GPHN: variants seen among roughly 807,000 people sequenced by gnomAD.
GPHN encodes gephyrin.
A neutral mutation model predicts 95.5 loss-of-function variants in GPHN; 17 were observed. The ratio of observed to expected loss-of-function variants is 0.18; its 90% CI spans 0.12 to 0.27. The LOEUF (loss-of-function observed/expected upper bound fraction) is 0.27. GPHN is among the 10% of genes least tolerant of loss of function. The pLI, the probability that GPHN is intolerant of heterozygous loss-of-function variation, is 1.00. For synonymous variants in GPHN, 320 were observed against 322.5 expected, an observed-to-expected ratio of 0.99 and a Z score of 0.08; for missense variants, 660 against 978.1, an observed-to-expected ratio of 0.67 and a Z score of 4.34.
chr14:67,046,940 A>G (rs2075048216), intron 10 of GPHN, among the ~76,000 whole-genome samples: 1 of 152,148 alleles, frequency 6.6e-6, no homozygotes, highest in African/African-American at 2.4e-5. Flanking sequence ...GACCCTAACT[A>G]TTTAAGCTGA....
At chr14:66,509,844 G>A (rs1368755778) in intron 1 of GPHN, among the ~76,000 whole-genome samples, 1 of 151,918 alleles carries the variant, frequency 6.6e-6, no homozygotes, top group East Asian at 1.9e-4. Context: ...TTTATTATTA[G>A]GTAGAAAAAA....
chr14:67,328,246 T>G, the GPHN span, among the ~76,000 whole-genome samples: 1 of 152,236 alleles, frequency 6.6e-6, no homozygotes, highest in Non-Finnish European at 1.5e-5. Flanking sequence ...TGATGAGCAT[T>G]TTTTCATGTG....
chr14:66,939,536 G>T (rs1002790677), intron 8 of GPHN, among the ~76,000 whole-genome samples: 1 of 152,058 alleles, frequency 6.6e-6, no homozygotes, highest in Non-Finnish European at 1.5e-5. Flanking sequence ...CTGCCTCACA[G>T]ATTTAATTGC....
the GPHN span, among the ~76,000 whole-genome samples, chr14:67,214,601 G>A: frequency 7.2e-5 from 11 of 151,980 alleles, no homozygotes; most frequent in Non-Finnish European, 1.6e-4. Context: ...AGGTAGCGTG[G>A]TGCCTCCAGC....
At chr14:67,695,625 C>G in the GPHN span, 3 of 1,613,316 alleles carry the variant, frequency 1.9e-6, no homozygotes, top group Admixed American at 5.0e-5. Flanking sequence ...TACATTTGCA[C>G]AGACCTGATT....
At chr14:67,322,736 GA>G in the GPHN span, among the ~76,000 whole-genome samples, 5 of 150,152 alleles carry the variant, frequency 3.3e-5, no homozygotes, top group Admixed American at 1.3e-4. Flanking sequence ...TATTTCTCCA[GA>G]AAAAAGGGCT....
chr14:67,332,517 A>C, the GPHN span, among the ~76,000 whole-genome samples: 1 of 152,164 alleles, frequency 6.6e-6, no homozygotes, highest in Non-Finnish European at 1.5e-5. Flanking sequence ...TGTTGGTGAG[A>C]TAAGACAAAA....
the GPHN span, among the ~76,000 whole-genome samples, chr14:67,362,032 CTTT>C: frequency 1.1e-5 from 1 of 91,420 alleles, no homozygotes. Context: ...TTTCTTTTTT[CTTT>C]TTTTTTTTGA....
At chr14:66,851,114 TTTG>T (rs1233198120) in intron 4 of GPHN, among the ~76,000 whole-genome samples, 1 of 152,018 alleles carries the variant, frequency 6.6e-6, no homozygotes, top group Non-Finnish European at 1.5e-5. Flanking sequence ...TGGCACTGTT[TTTG>T]TTGTTGTTGT....
At chr14:67,365,127 C>G in the GPHN span, 2 of 1,084,134 alleles carry the variant, frequency 1.8e-6, no homozygotes, top group Non-Finnish European at 2.5e-6. Flanking sequence ...ATACTTAAAC[C>G]TTTTACATAC....
chr14:67,325,140 T>C, the GPHN span, among the ~76,000 whole-genome samples: 2 of 152,016 alleles, frequency 1.3e-5, no homozygotes, highest in Admixed American at 1.3e-4. Flanking sequence ...CTCCTGACCT[T>C]GTGATCCACC....
chr14:67,571,167 A>T, the GPHN span: 2 of 154,664 alleles, frequency 1.3e-5, no homozygotes, highest in East Asian at 3.8e-4. Flanking sequence ...CACTGTGCAC[A>T]TATATCTTTG....
At chr14:66,952,940 A>C (rs1337300411) in intron 8 of GPHN, among the ~76,000 whole-genome samples, 7 of 151,670 alleles carry the variant, frequency 4.6e-5, no homozygotes, top group Non-Finnish European at 1.5e-5. Flanking sequence ...ATGATCTTCC[A>C]GCCTCGGCCC....
chr14:66,869,682 G>C (rs1263773397), intron 4 of GPHN, among the ~76,000 whole-genome samples: 1 of 152,172 alleles, frequency 6.6e-6, no homozygotes, highest in Non-Finnish European at 1.5e-5. Flanking sequence ...ACTGATATGT[G>C]CAGAACTGCA....
chr14:67,144,250 AATATATATATATATATATAT>A (rs71129810), intron 18 of GPHN, among the ~76,000 whole-genome samples: 12 of 57,772 alleles, frequency 2.1e-4, no homozygotes, highest in Non-Finnish European at 3.4e-4. Flanking sequence ...AAAAAAAAAA[AATATATATATATATATATAT>A]ATATATATAT....
intron 12 of GPHN, among the ~76,000 whole-genome samples, chr14:67,097,366 G>A (rs1054535926): frequency 1.3e-5 from 2 of 152,164 alleles, no homozygotes; most frequent in African/African-American, 4.8e-5. Flanking sequence ...AGTTATCTTG[G>A]TATTCTCAGG....
rs531214449 is a variant in GPHN at position 66,690,433 on chromosome 14, G to A, written c.143+9248G>A. 6.6e-5 allele frequency among the ~76,000 whole-genome samples: 10 copies of A among 152,226 alleles called. No homozygotes were observed. The East Asian group carries it at 1.9e-3, about 29-fold the overall frequency. On this transcript the variant is annotated intron_variant, in intron 2 of 22. Coordinates refer to ENST00000478722, the MANE Select transcript of GPHN (RefSeq NM_020806.5). ...AATTCTTTTAGATTTGTTGAGCCTT[G>A]TTTTGTGACCTAATATGTGGTCTGT... is the stretch of plus-strand genomic sequence containing the variant.
the GPHN span, among the ~76,000 whole-genome samples, chr14:67,379,321 TCTC>T: frequency 6.6e-6 from 1 of 152,360 alleles, no homozygotes; most frequent in African/African-American, 2.4e-5. Flanking sequence ...TCTGATTTTT[TCTC>T]CTTTTTCTAG....
intron 3 of GPHN, among the ~76,000 whole-genome samples, chr14:66,801,565 G>A (rs1166084436): frequency 8.9e-5 from 11 of 123,690 alleles, no homozygotes; most frequent in African/African-American, 1.9e-4. Context: ...CTCTCTCCCC[G>A]CTGCCCCTCT....
Sources: allele counts gnomAD v4.1 joint callset (sites outside exome capture counted in the v4.1 genomes callset), GRCh38; gene constraint gnomAD v4.1.1; transcripts MANE v1.5; gene names NCBI Gene and HGNC (gene_info 2026-07-23, HGNC 2026-07-21).